The following CDH13 variants were observed in gnomAD, a reference collection of about 807,000 sequenced individuals.
The protein encoded by CDH13 is cadherin 13, also known as cadherin-13.
Under a neutral mutation model 63.8 loss-of-function variants are expected in CDH13, and 24 were observed. That is an observed-to-expected ratio of 0.38 (90% CI 0.27 to 0.53). CDH13 has a LOEUF of 0.53. Ranked by LOEUF, CDH13 falls within the 20% of genes least tolerant of loss-of-function variation. The probability of loss-of-function intolerance (pLI) is 0.85; values close to 1 mark genes in which losing one functional copy is unlikely to be tolerated. For missense variants in CDH13, 1,049 were observed against 903.1 expected (o/e 1.16, Z -2.07); for synonymous variants, 503 against 355.3 (o/e 1.42, Z -4.67).
chr16:83,600,239 A>T (rs1227361899), intron 7 of CDH13, among the ~76,000 whole-genome samples: 1 of 152,204 alleles, frequency 6.6e-6, no homozygotes, highest in Non-Finnish European at 1.5e-5. Context: ...ACTTGTACTC[A>T]GCAGTCAGAG....
At chr16:83,256,510 A>C (rs1009408673) in intron 5 of CDH13, among the ~76,000 whole-genome samples, 1 of 151,912 alleles carries the variant, frequency 6.6e-6, no homozygotes, top group Non-Finnish European at 1.5e-5. Context: ...GGCACCTCCA[A>C]TGAAAAGGAT....
chr16:82,975,885 C>T (rs976881353), intron 2 of CDH13, among the ~76,000 whole-genome samples: 3 of 152,130 alleles, frequency 2.0e-5, no homozygotes, highest in African/African-American at 7.2e-5. Context: ...CAGCATAATG[C>T]AGTTGAATAC....
At chr16:83,705,577 A>C (rs140047488) in intron 10 of CDH13, among the ~76,000 whole-genome samples, 1,535 of 152,284 alleles carry the variant, frequency 0.01, 75 homozygotes, top group Admixed American at 0.077. Context: ...AGCCGAGATC[A>C]CGCCACTGCA....
chr16:82,987,591 G>C (rs1014336643), intron 2 of CDH13, among the ~76,000 whole-genome samples: 1 of 152,120 alleles, frequency 6.6e-6, no homozygotes, highest in Non-Finnish European at 1.5e-5. Context: ...TGACCAGGCT[G>C]GTCTCAAACT....
intron 6 of CDH13, among the ~76,000 whole-genome samples, chr16:83,390,926 G>A (rs991785297): frequency 2.0e-5 from 3 of 152,206 alleles, no homozygotes; most frequent in African/African-American, 7.2e-5. Context: ...GTCAGGCTCA[G>A]CAGAGGCCTG....
intron 6 of CDH13, among the ~76,000 whole-genome samples, chr16:83,469,651 G>A (rs563712973): frequency 6.6e-6 from 1 of 152,100 alleles, no homozygotes; most frequent in Non-Finnish European, 1.5e-5. Context: ...AGCAAAATGT[G>A]GCCAGTGGAA....
chr16:83,171,560 G>C, intron 4 of CDH13: 1 of 1,533,994 alleles, frequency 6.5e-7, no homozygotes, highest in Non-Finnish European at 8.7e-7. Flanking sequence ...CACGATGGCT[G>C]ACATGAGATA....
intron 2 of CDH13, among the ~76,000 whole-genome samples, chr16:82,901,592 C>T (rs1361106244): frequency 6.6e-6 from 1 of 152,034 alleles, no homozygotes; most frequent in African/African-American, 2.4e-5. Flanking sequence ...AGGCATGTTG[C>T]TTGGGGTATA....
At chr16:83,314,692 T>G (rs183885680) in intron 5 of CDH13, among the ~76,000 whole-genome samples, 123 of 152,280 alleles carry the variant, frequency 8.1e-4, no homozygotes, top group Admixed American at 2.0e-3. Flanking sequence ...TAATGAGACA[T>G]GATTCTGTAC....
intron 6 of CDH13, among the ~76,000 whole-genome samples, chr16:83,480,699 C>G (rs1307913290): frequency 1.3e-5 from 2 of 152,154 alleles, no homozygotes; most frequent in Non-Finnish European, 1.5e-5. Flanking sequence ...CTGGTTTGCC[C>G]AGGAGTGTCC....
rs537525789 is a variant in CDH13 at position 83,055,996 on chromosome 16, A to G, written c.366+23778A>G. 3.7e-4 allele frequency among the ~76,000 whole-genome samples: 57 copies of G among 152,290 alleles called. No individual in the cohort carries two copies. In the South Asian group the frequency reaches 0.011, roughly 30 times the overall value. ...TATCTAGGACATGTTAACAACTCCTACAAAAATATAACAAAAGGGCAGAGA... is the reference window on the plus strand; with the variant it reads ...TATCTAGGACATGTTAACAACTCCTGCAAAAATATAACAAAAGGGCAGAGA... On this transcript the variant is annotated intron_variant, in intron 3 of 13. Coordinates refer to ENST00000567109, the MANE Select transcript of CDH13 (RefSeq NM_001257.5).
chr16:83,417,432 C>T (rs1052649473), intron 6 of CDH13, among the ~76,000 whole-genome samples: 1 of 152,148 alleles, frequency 6.6e-6, no homozygotes, highest in African/African-American at 2.4e-5. Context: ...ACTAGTTGAA[C>T]TGTCCTCTTT....
At chr16:83,537,140 C>A (rs953233746) in intron 7 of CDH13, among the ~76,000 whole-genome samples, 2 of 152,308 alleles carry the variant, frequency 1.3e-5, no homozygotes, top group Non-Finnish European at 2.9e-5. Context: ...ATAGAAACCA[C>A]AGATTTGGAG....
At chr16:82,948,938 T>C (rs926454093) in intron 2 of CDH13, among the ~76,000 whole-genome samples, 3 of 152,214 alleles carry the variant, frequency 2.0e-5, no homozygotes, top group African/African-American at 7.2e-5. Flanking sequence ...CCAGACCTTG[T>C]AAGTAATAGC....
intron 1 of CDH13, among the ~76,000 whole-genome samples, chr16:82,663,006 G>A (rs1237765635): frequency 1.3e-5 from 2 of 152,188 alleles, no homozygotes. Context: ...GAAAGGGCTA[G>A]CTGACTTGTC....
chr16:83,000,857 G>A (rs1163481540), intron 2 of CDH13, among the ~76,000 whole-genome samples: 1 of 152,158 alleles, frequency 6.6e-6, no homozygotes, highest in African/African-American at 2.4e-5. Context: ...GGGATTACCG[G>A]CGTGAGCCAC....
chr16:83,454,416 T>G (rs966307448), intron 6 of CDH13, among the ~76,000 whole-genome samples: 4 of 152,250 alleles, frequency 2.6e-5, no homozygotes, highest in Non-Finnish European at 5.9e-5. Context: ...AAATCAGCCC[T>G]AATTATTCCC....
rs1297044672 is a variant in CDH13 at position 83,085,008 on chromosome 16, C to G, written c.367-40377C>G. 2.6e-5 allele frequency among the ~76,000 whole-genome samples: 4 copies of G among 152,190 alleles called. No homozygotes were observed. In the East Asian group the frequency reaches 7.7e-4, roughly 29 times the overall value. On this transcript the variant is annotated intron_variant, in intron 3 of 13. Coordinates refer to ENST00000567109, the MANE Select transcript of CDH13 (RefSeq NM_001257.5). ...AGTGCTATGAGAAATTCAGGCTATT[C>G]CTCTACTTCATCTCAGCATCCTTAA... is the stretch of plus-strand genomic sequence containing the variant.
At chr16:83,147,312 C>T (rs1187226909) in intron 4 of CDH13, among the ~76,000 whole-genome samples, 1 of 152,188 alleles carries the variant, frequency 6.6e-6, no homozygotes. Context: ...GAGGCCTGAC[C>T]TTGCTTTGAT....
Sources: gnomAD v4.1 joint callset for allele counts (sites outside exome capture counted in the v4.1 genomes callset) on GRCh38, gnomAD v4.1.1 for gene constraint, MANE v1.5 for transcripts, NCBI Gene and HGNC (gene_info 2026-07-23, HGNC 2026-07-21) for gene names.